PTPRD: variants seen among roughly 807,000 people sequenced by gnomAD.
The protein encoded by PTPRD is receptor-type tyrosine-protein phosphatase delta.
In PTPRD, 34 loss-of-function variants were observed where a neutral mutation model predicts 214.5. That is an observed-to-expected ratio of 0.16 (90% CI 0.12 to 0.21). PTPRD has a LOEUF of 0.21. Ranked by LOEUF, PTPRD falls within the 10% of genes least tolerant of loss-of-function variation. The pLI, the probability that PTPRD is intolerant of heterozygous loss-of-function variation, is 1.00. For synonymous variants in PTPRD, 1,128 were observed against 845.7 expected (o/e 1.33, Z -5.79); for missense variants, 2,545 against 2,398.7 (o/e 1.06, Z -1.27).
At chr9:10,370,613 G>T (rs1417208146) in intron 2 of PTPRD, among the ~76,000 whole-genome samples, 3 of 151,962 alleles carry the variant, frequency 2.0e-5, no homozygotes, top group Non-Finnish European at 4.4e-5. Flanking sequence ...GTCTTTCTAT[G>T]AAATTTCTGC....
At chr9:9,529,850 A>G (rs1280542313) in intron 8 of PTPRD, among the ~76,000 whole-genome samples, 1 of 151,572 alleles carries the variant, frequency 6.6e-6, no homozygotes, top group Admixed American at 6.6e-5. Context: ...CACACTATAT[A>G]TATATATTTA....
Position 10,145,065 on chromosome 9 carries a change from A to G in PTPRD, c.-544-111275T>C, listed in dbSNP as rs2099013114. ...TTTTTCAAAAAATTAATTTTTATATATATTCAGTATCCCCCCACGAAAATA... is the reference window on the plus strand; with the variant it reads ...TTTTTCAAAAAATTAATTTTTATATGTATTCAGTATCCCCCCACGAAAATA... On this transcript the variant is annotated intron_variant, in intron 3 of 45. Transcript: ENST00000381196. 2.6e-5 allele frequency among the ~76,000 whole-genome samples: 4 copies of G among 152,126 alleles called. No homozygotes were observed. The South Asian group carries it at 8.3e-4, about 31-fold the overall frequency.
intron 11 of PTPRD, among the ~76,000 whole-genome samples, chr9:8,771,067 G>C (rs2095169648): frequency 6.6e-6 from 1 of 151,846 alleles, no homozygotes; most frequent in South Asian, 2.1e-4. Context: ...TGTAGTCCCA[G>C]CTACTTGGGA....
intron 3 of PTPRD, among the ~76,000 whole-genome samples, chr9:10,308,951 T>C (rs903571010): frequency 3.9e-5 from 6 of 152,064 alleles, no homozygotes; most frequent in African/African-American, 7.2e-5. Flanking sequence ...ATTACATACT[T>C]GTGTGAATAT....
intron 9 of PTPRD, among the ~76,000 whole-genome samples, chr9:9,198,566 T>G (rs1342046271): frequency 6.6e-6 from 1 of 152,208 alleles, no homozygotes; most frequent in Admixed American, 6.5e-5. Flanking sequence ...TTCTTCTCCA[T>G]GAATATTTTT....
intron 6 of PTPRD, among the ~76,000 whole-genome samples, chr9:9,747,372 G>T (rs971634753): frequency 1.3e-5 from 2 of 152,102 alleles, no homozygotes; most frequent in African/African-American, 4.8e-5. Context: ...GCAGCAACTC[G>T]TGCAGCACAG....
intron 11 of PTPRD, among the ~76,000 whole-genome samples, chr9:8,879,448 C>T (rs757166136): frequency 6.6e-6 from 1 of 152,058 alleles, no homozygotes; most frequent in Non-Finnish European, 1.5e-5. Flanking sequence ...TTGGTAGGCA[C>T]TGCAAAACAC....
At chr9:9,338,823 C>G (rs1304835166) in intron 9 of PTPRD, among the ~76,000 whole-genome samples, 1 of 152,114 alleles carries the variant, frequency 6.6e-6, no homozygotes, top group Non-Finnish European at 1.5e-5. Context: ...GGTATTTCTC[C>G]TAATGCCATC....
intron 2 of PTPRD, among the ~76,000 whole-genome samples, chr9:10,487,966 G>GTCTCTCTCTCTCTCTCTCTCTCTCTC (rs56372955): frequency 1.5e-4 from 16 of 110,318 alleles, no homozygotes; most frequent in African/African-American, 5.8e-4. Context: ...AATGAACACA[G>GTCTCTCTCTCTCTCTCTCTCTCTCTC]TCTCTCTCTC....
chr9:10,014,115 G>C (rs548700858), intron 4 of PTPRD, among the ~76,000 whole-genome samples: 1 of 151,918 alleles, frequency 6.6e-6, no homozygotes, highest in Non-Finnish European at 1.5e-5. Context: ...TAAAAGACTA[G>C]AGAGTTGTTT....
rs1032868436 is a variant in PTPRD at position 8,771,897 on chromosome 9, G to A, written c.-103-37951C>T. Among the ~76,000 whole-genome samples, 6 of 150,504 alleles carry A rather than the reference G, an allele frequency of 4.0e-5. No homozygotes were observed. In the South Asian group the frequency reaches 1.0e-3, roughly 26 times the overall value. On this transcript the variant is annotated intron_variant, in intron 11 of 45. Coordinates refer to ENST00000381196, the MANE Select transcript of PTPRD (RefSeq NM_002839.4). ...AAAAGCCCAACGCAGTGTACCTCACGCAGAAAAGCTGGGTCATAAACCAAA... is the reference window on the plus strand; with the variant it reads ...AAAAGCCCAACGCAGTGTACCTCACACAGAAAAGCTGGGTCATAAACCAAA...
At chr9:8,850,902 G>C (rs1186735220) in intron 11 of PTPRD, among the ~76,000 whole-genome samples, 1 of 152,198 alleles carries the variant, frequency 6.6e-6, no homozygotes, top group African/African-American at 2.4e-5. Context: ...AAGGAAGACG[G>C]AGAAAATTTT....
chr9:8,879,143 T>C (rs2098420604), intron 11 of PTPRD, among the ~76,000 whole-genome samples: 1 of 152,178 alleles, frequency 6.6e-6, no homozygotes, highest in Non-Finnish European at 1.5e-5. Context: ...GGTCCCCAAG[T>C]ATCTATAGGC....
intron 2 of PTPRD, among the ~76,000 whole-genome samples, chr9:10,355,455 A>G (rs901788392): frequency 1.3e-5 from 2 of 151,924 alleles, no homozygotes; most frequent in African/African-American, 4.8e-5. Flanking sequence ...ACGACACTTT[A>G]GAAAATACTG....
intron 2 of PTPRD, among the ~76,000 whole-genome samples, chr9:10,526,527 T>C (rs2054344273): frequency 1.3e-5 from 2 of 152,204 alleles, no homozygotes; most frequent in Middle Eastern, 3.4e-3. Context: ...AAGGAGAATA[T>C]TTTGAAGGTA....
intron 3 of PTPRD, among the ~76,000 whole-genome samples, chr9:10,087,858 T>G (rs1035309966): frequency 1.3e-5 from 2 of 151,732 alleles, no homozygotes; most frequent in African/African-American, 4.8e-5. Flanking sequence ...AAACTTGTCC[T>G]TATGGAAAGT....
intron 5 of PTPRD, among the ~76,000 whole-genome samples, chr9:9,808,746 C>T (rs2046219652): frequency 6.6e-6 from 1 of 152,044 alleles, no homozygotes; most frequent in Non-Finnish European, 1.5e-5. Context: ...CTTTCATCTC[C>T]CTTATGACTG....
chr9:10,271,023 C>T (rs2094388771), intron 3 of PTPRD, among the ~76,000 whole-genome samples: 1 of 151,950 alleles, frequency 6.6e-6, no homozygotes, highest in Non-Finnish European at 1.5e-5. Flanking sequence ...TAGGGTCTTG[C>T]TATGTTGCCC....
chr9:9,342,612 C>A (rs909972899), intron 9 of PTPRD, among the ~76,000 whole-genome samples: 5 of 151,986 alleles, frequency 3.3e-5, no homozygotes, highest in Admixed American at 2.0e-4. Context: ...CCTGTGAAAA[C>A]CACTTCCTAG....
Sources: gnomAD v4.1 joint callset for allele counts (sites outside exome capture counted in the v4.1 genomes callset) on GRCh38, gnomAD v4.1.1 for gene constraint, MANE v1.5 for transcripts, NCBI Gene and HGNC (gene_info 2026-07-23, HGNC 2026-07-21) for gene names.